Variants in ELFN2 observed in about 807,000 individuals in gnomAD.
ELFN2 encodes protein phosphatase 1 regulatory subunit 29.
A neutral mutation model predicts 45.5 loss-of-function variants in ELFN2; 17 were observed. That is an observed-to-expected ratio of 0.37 (90% CI 0.26 to 0.56). ELFN2 has a LOEUF of 0.56. Ranked by LOEUF, ELFN2 falls within the 20% of genes least tolerant of loss-of-function variation. The probability of loss-of-function intolerance (pLI) is 0.77; values close to 1 mark genes in which losing one functional copy is unlikely to be tolerated. For synonymous variants in ELFN2, 550 were observed against 551.5 expected (o/e 1.00, Z 0.04); for missense variants, 922 against 1,183.2 (o/e 0.78, Z 3.24).
intron 2 of ELFN2, among the ~76,000 whole-genome samples, chr22:37,410,050 G>A (rs1468235017): frequency 6.6e-6 from 1 of 152,144 alleles, no homozygotes; most frequent in Non-Finnish European, 1.5e-5. Flanking sequence ...CCAAAACCCA[G>A]CAAATGCACA....
chr22:37,367,131 C>T (rs1931223224), downstream of ELFN2, among the ~76,000 whole-genome samples: 1 of 152,188 alleles, frequency 6.6e-6, no homozygotes, highest in African/African-American at 2.4e-5. Context: ...AGGAGAGTTT[C>T]GTAGCAATTG....
intron 2 of ELFN2, among the ~76,000 whole-genome samples, chr22:37,407,487 C>T (rs1211007698): frequency 1.3e-5 from 2 of 152,196 alleles, no homozygotes; most frequent in African/African-American, 4.8e-5. Context: ...AATCAAGAAA[C>T]AAGTGCCTTG....
At chr22:37,351,236 ACT>A (rs968646868) in intron 1 of ELFN2, among the ~76,000 whole-genome samples, 1 of 137,764 alleles carries the variant, frequency 7.3e-6, no homozygotes, top group Non-Finnish European at 1.6e-5. Context: ...CCTCCTCCTC[ACT>A]GTCTTCTCCT....
chr22:37,406,361 C>T (rs1213434933), intron 2 of ELFN2, among the ~76,000 whole-genome samples: 3 of 152,144 alleles, frequency 2.0e-5, no homozygotes, highest in East Asian at 1.9e-4. Flanking sequence ...AACGGAGTGC[C>T]GGGGTGTGGT....
Position 37,410,308 on chromosome 22 carries a change from G to A in ELFN2, c.-463+7461C>T, listed in dbSNP as rs78481973. Reference sequence around the variant, plus strand: ...CACTTTAGGCTGGTCCAGGGGCTGCGGGAAGTGAAAGTGCCCAAGAGGAAA... The same window carrying A: ...CACTTTAGGCTGGTCCAGGGGCTGCAGGAAGTGAAAGTGCCCAAGAGGAAA... On this transcript the variant is annotated intron_variant, in intron 2 of 2. Transcript: ENST00000402918. 6.2e-3 allele frequency among the ~76,000 whole-genome samples: 944 copies of A among 152,272 alleles called. 15 individuals carry two copies. The highest frequency in any genetic ancestry group is 0.022 in the African/African-American group (914 of 41,534).
intron 1 of ELFN2, among the ~76,000 whole-genome samples, chr22:37,359,822 G>A (rs931863578): frequency 6.6e-6 from 1 of 152,156 alleles, no homozygotes; most frequent in African/African-American, 2.4e-5. Flanking sequence ...GCTTTACAGA[G>A]GTGATAGTGT....
At chr22:37,358,544 G>A (rs745556520) in intron 1 of ELFN2, among the ~76,000 whole-genome samples, 25 of 152,222 alleles carry the variant, frequency 1.6e-4, no homozygotes, top group Admixed American at 9.2e-4. Context: ...AGATACAACC[G>A]ATTCTAAAGG....
chr22:37,395,658 G>A (rs1048652615), intron 2 of ELFN2, among the ~76,000 whole-genome samples: 8 of 152,124 alleles, frequency 5.3e-5, no homozygotes, highest in African/African-American at 1.9e-4. Context: ...CCTCACCCAC[G>A]GGGGGCAGGG....
In ELFN2 at chr22:37,373,872, G is replaced by T. The variant is rs749070206; in HGVS notation, c.1663C>A (p.Leu555Ile). 3.1e-6 allele frequency: 5 copies of T among 1,613,440 alleles called. No homozygotes were observed. The highest frequency in any genetic ancestry group is 4.2e-6 in the Non-Finnish European group (5 of 1,179,968). The part of the protein sequence containing the change: ...NQIINNCIDA[L>I]KLDSASFLGG... ...AGAAAAGAGGCCGAGTCCAGCTTGA[G>T]AGCATCGATGCAGTTGTTAATGATC... The change falls in exon 3 of 3, where the codon CTC becomes ATC. Residue 555 changes from leucine to isoleucine, a missense_variant. Leu to Ile is a conservative substitution (Grantham distance 5, BLOSUM62 2). Transcript: ENST00000402918.
chr22:37,358,751 C>T (rs1354969740), intron 1 of ELFN2, among the ~76,000 whole-genome samples: 2 of 152,160 alleles, frequency 1.3e-5, no homozygotes, highest in African/African-American at 4.8e-5. Flanking sequence ...AGGGGCACAG[C>T]CAGATGTGGG....
chr22:37,396,930 A>G (rs1932228071), intron 2 of ELFN2, among the ~76,000 whole-genome samples: 1 of 152,114 alleles, frequency 6.6e-6, no homozygotes, highest in Non-Finnish European at 1.5e-5. Flanking sequence ...CCTATCACTC[A>G]CAGGGATCTC....
chr22:37,396,885 A>C (rs1932226712), intron 2 of ELFN2, among the ~76,000 whole-genome samples: 1 of 152,168 alleles, frequency 6.6e-6, no homozygotes. Context: ...ACCAGCCTCC[A>C]AGTCCATGCC....
chr22:37,422,562 G>A (rs530355845), intron 1 of ELFN2, among the ~76,000 whole-genome samples: 123 of 151,498 alleles, frequency 8.1e-4, no homozygotes, highest in Admixed American at 1.9e-3. Flanking sequence ...AAAATTAGCC[G>A]GGTGTGGTGG....
chr22:37,426,088 T>A (rs1265227149), intron 1 of ELFN2, among the ~76,000 whole-genome samples: 5 of 144,642 alleles, frequency 3.5e-5, no homozygotes, highest in Non-Finnish European at 6.1e-5. Context: ...ACACACACAC[T>A]CCAGCCCAAC....
chr22:37,411,737 C>T (rs1932654326), intron 2 of ELFN2, among the ~76,000 whole-genome samples: 1 of 152,204 alleles, frequency 6.6e-6, no homozygotes, highest in Non-Finnish European at 1.5e-5. Flanking sequence ...CACGCAGCCC[C>T]TGGCAACCCT....
chr22:37,395,554 C>T (rs1932193300), intron 2 of ELFN2, among the ~76,000 whole-genome samples: 1 of 152,198 alleles, frequency 6.6e-6, no homozygotes, highest in African/African-American at 2.4e-5. Flanking sequence ...GCCTCCTCTG[C>T]TGTCAGGGGC....
intron 1 of ELFN2, among the ~76,000 whole-genome samples, chr22:37,419,135 A>C (rs1264477820): frequency 6.6e-6 from 1 of 151,602 alleles, no homozygotes; most frequent in Non-Finnish European, 1.5e-5. Flanking sequence ...CCAACGGAAA[A>C]TAAACACACA....
chr22:37,377,723 A>T (rs1360937068), intron 2 of ELFN2, among the ~76,000 whole-genome samples: 1 of 152,160 alleles, frequency 6.6e-6, no homozygotes, highest in African/African-American at 2.4e-5. Flanking sequence ...GGCCAGGCTC[A>T]CACCTCCCCA....
At chr22:37,410,699 A>G (rs1932626440) in intron 2 of ELFN2, among the ~76,000 whole-genome samples, 1 of 152,092 alleles carries the variant, frequency 6.6e-6, no homozygotes, top group Non-Finnish European at 1.5e-5. Context: ...CCTAATCCCC[A>G]TCACAGCCCT....
Sources: allele counts gnomAD v4.1 joint callset (sites outside exome capture counted in the v4.1 genomes callset), GRCh38; gene constraint gnomAD v4.1.1; transcripts MANE v1.5; gene names NCBI Gene and HGNC (gene_info 2026-07-23, HGNC 2026-07-21).